Variants in CTNNA2 observed in about 807,000 individuals in gnomAD.
CTNNA2 encodes the protein catenin alpha 2, also known as catenin alpha-2.
Under a neutral mutation model 101.0 loss-of-function variants are expected in CTNNA2, and 42 were observed. That is an observed-to-expected ratio of 0.42 (90% CI 0.32 to 0.54). The LOEUF (loss-of-function observed/expected upper bound fraction) is 0.54, where lower values mean the gene tolerates loss of function less well. CTNNA2 is among the 20% of genes least tolerant of loss of function. The pLI, the probability that CTNNA2 is intolerant of heterozygous loss-of-function variation, is 0.14. For missense variants in CTNNA2, 871 were observed against 1,223.1 expected, an observed-to-expected ratio of 0.71 and a Z score of 4.29; for synonymous variants, 450 against 456.4, an observed-to-expected ratio of 0.99 and a Z score of 0.18.
intron 1 of CTNNA2, among the ~76,000 whole-genome samples, chr2:79,560,889 T>C (rs1006998621): frequency 1.3e-5 from 2 of 151,930 alleles, no homozygotes; most frequent in African/African-American, 2.4e-5. Flanking sequence ...GAGATTTTTG[T>C]TCTAAATTGT....
chr2:80,339,274 T>G (rs1672021074), intron 7 of CTNNA2, among the ~76,000 whole-genome samples: 1 of 152,152 alleles, frequency 6.6e-6, no homozygotes, highest in African/African-American at 2.4e-5. Context: ...TATAGCCAGA[T>G]AGTCATCACC....
intron 7 of CTNNA2, chr2:80,162,790 G>T: frequency 6.3e-7 from 1 of 1,587,676 alleles, no homozygotes; most frequent in Non-Finnish European, 8.6e-7. Flanking sequence ...TATGACATTT[G>T]TCTCAAAGCA....
At chr2:79,430,291 T>C (rs1025343847) in intron 4 of CTNNA2, among the ~76,000 whole-genome samples, 5 of 152,184 alleles carry the variant, frequency 3.3e-5, no homozygotes, top group Non-Finnish European at 5.9e-5. Context: ...TTTTCTGAAA[T>C]TGATATATAT....
chr2:79,197,349 T>A (rs1387691064), intron 1 of CTNNA2, among the ~76,000 whole-genome samples: 2 of 151,872 alleles, frequency 1.3e-5, no homozygotes, highest in Non-Finnish European at 2.9e-5. Context: ...TGTAGCATCT[T>A]ATGTGATTAG....
intron 2 of CTNNA2, among the ~76,000 whole-genome samples, chr2:79,290,977 G>C (rs1328773991): frequency 6.6e-6 from 1 of 152,128 alleles, no homozygotes; most frequent in Admixed American, 6.5e-5. Context: ...GCCCACTGGG[G>C]CTTCAGAGGC....
intron 3 of CTNNA2, among the ~76,000 whole-genome samples, chr2:79,320,511 G>A (rs1041701156): frequency 1.3e-5 from 2 of 152,084 alleles, no homozygotes; most frequent in East Asian, 3.8e-4. Flanking sequence ...AAAAATTCTA[G>A]TTTGCCATAA....
At chr2:80,506,387 G>T (rs773617745) in intron 9 of CTNNA2, among the ~76,000 whole-genome samples, 2 of 152,178 alleles carry the variant, frequency 1.3e-5, no homozygotes, top group Non-Finnish European at 2.9e-5. Flanking sequence ...AATAATGTTA[G>T]TGGGGGACTT....
At chr2:80,585,072 TA>T (rs1207566733) in intron 14 of CTNNA2, among the ~76,000 whole-genome samples, 1 of 152,160 alleles carries the variant, frequency 6.6e-6, no homozygotes, top group Non-Finnish European at 1.5e-5. Flanking sequence ...AATTGTTATT[TA>T]TAAACATTCT....
intron 18 of CTNNA2, among the ~76,000 whole-genome samples, chr2:80,620,819 T>A (rs1271804754): frequency 6.6e-6 from 1 of 151,912 alleles, no homozygotes; most frequent in Non-Finnish European, 1.5e-5. Flanking sequence ...AATGCTCATA[T>A]TTTCAAACCC....
chr2:79,835,666 G>GTTTTTTGTTTTTTGTTTT (rs1679276639), intron 3 of CTNNA2, among the ~76,000 whole-genome samples: 2 of 58,618 alleles, frequency 3.4e-5, no homozygotes, highest in African/African-American at 1.5e-4. Context: ...GCCTCTCTTT[G>GTTTTTTGTTTTTTGTTTT]TTTTTTTTTT....
chr2:79,707,606 A>C (rs1353416678), intron 2 of CTNNA2, among the ~76,000 whole-genome samples: 1 of 152,294 alleles, frequency 6.6e-6, no homozygotes. Context: ...TCCTTTGTAC[A>C]GTGTCTTTAT....
intron 7 of CTNNA2, among the ~76,000 whole-genome samples, chr2:80,043,624 A>G (rs1250425024): frequency 1.3e-5 from 2 of 152,180 alleles, no homozygotes; most frequent in Non-Finnish European, 2.9e-5. Context: ...TTTCTTCACA[A>G]TACCCTTAGA....
At chr2:79,218,311 T>TTG (rs60680995) in intron 2 of CTNNA2, among the ~76,000 whole-genome samples, 8,072 of 114,694 alleles carry the variant, frequency 0.07, 413 homozygotes, top group South Asian at 0.12. Context: ...TTCATGAACT[T>TTG]TGTGTGTGTG....
chr2:80,576,754 G>A lies in CTNNA2; in HGVS notation c.1893+2440G>A, dbSNP rs1392719217. ...ACCTGAGGTCGGGAGTTTAAGACCA[G>A]CCTGGCCAACATGGTGAAACCCTGT... is the stretch of plus-strand genomic sequence containing the variant. On this transcript the variant is annotated intron_variant, in intron 13 of 18. Transcript: ENST00000402739. 6.5e-5 allele frequency among the ~76,000 whole-genome samples: 9 copies of A among 137,736 alleles called. No homozygotes were observed. In the East Asian group the frequency reaches 1.9e-3, roughly 30 times the overall value. The allele number at this position is 137,736 out of a possible 152,430, so 90.4% of individuals were successfully genotyped here.
chr2:79,871,720 G>T (rs1282099034), intron 5 of CTNNA2, among the ~76,000 whole-genome samples: 1 of 152,070 alleles, frequency 6.6e-6, no homozygotes, highest in Non-Finnish European at 1.5e-5. Context: ...CAGCCTTCTA[G>T]ATACCCCTCA....
intron 4 of CTNNA2, among the ~76,000 whole-genome samples, chr2:79,492,677 T>G (rs1671216487): frequency 6.6e-6 from 1 of 152,118 alleles, no homozygotes; most frequent in Non-Finnish European, 1.5e-5. Context: ...TACACATTTT[T>G]TACAAACTCT....
intron 7 of CTNNA2, among the ~76,000 whole-genome samples, chr2:80,173,218 C>T (rs147308647): frequency 5.9e-5 from 9 of 152,308 alleles, no homozygotes; most frequent in East Asian, 3.9e-4. Flanking sequence ...ACCCTAGCCA[C>T]GTCACGTTTA....
At chr2:79,950,848 C>G (rs2916487) in intron 7 of CTNNA2, among the ~76,000 whole-genome samples, 28,922 of 152,046 alleles carry the variant, frequency 0.19, 3,160 homozygotes, top group Middle Eastern at 0.35. Flanking sequence ...TAACATTTAC[C>G]CACCATACAC....
chr2:79,503,186 T>A (rs531705737), intron 4 of CTNNA2, among the ~76,000 whole-genome samples: 1 of 152,270 alleles, frequency 6.6e-6, no homozygotes, highest in South Asian at 2.1e-4. Flanking sequence ...TTTTTTATTA[T>A]GAAAATAAGC....
Sources: allele counts gnomAD v4.1 joint callset (sites outside exome capture counted in the v4.1 genomes callset), GRCh38; gene constraint gnomAD v4.1.1; transcripts MANE v1.5; gene names NCBI Gene and HGNC (gene_info 2026-07-23, HGNC 2026-07-21).